ACSS1: variants seen among roughly 807,000 people sequenced by gnomAD.
ACSS1 encodes acetyl-coenzyme A synthetase 2-like, mitochondrial.
In ACSS1, 42 loss-of-function variants were observed where a neutral mutation model predicts 75.3. The ratio of observed to expected loss-of-function variants is 0.56; its 90% CI spans 0.44 to 0.72. The LOEUF is 0.72. Among genes scored for constraint, ACSS1 ranks in the 30% least tolerant of loss-of-function variants. The pLI is 0.00. For synonymous variants in ACSS1, 380 were observed against 376.8 expected (o/e 1.01, Z -0.10); for missense variants, 782 against 935.7 (o/e 0.84, Z 2.14).
intron 1 of ACSS1, among the ~76,000 whole-genome samples, chr20:25,052,639 G>A (rs1303027790): frequency 6.6e-6 from 1 of 152,240 alleles, no homozygotes; most frequent in East Asian, 1.9e-4. Context: ...GTGGTATTGA[G>A]CATTTTCTGG....
chr20:25,022,516 G>A (rs370452074), intron 5 of ACSS1, among the ~76,000 whole-genome samples: 10 of 152,216 alleles, frequency 6.6e-5, no homozygotes, highest in Admixed American at 2.0e-4. Context: ...CATGCTGGAC[G>A]GGGCTGTGGC....
intron 4 of ACSS1, 25 bp from the exon 5 acceptor site, chr20:25,023,117 C>T (rs535211539): frequency 6.2e-7 from 1 of 1,601,684 alleles, no homozygotes; most frequent in East Asian, 2.2e-5. Context: ...AAACAAACAG[C>T]CCACCGAGGG....
intron 5 of ACSS1, 150 bp downstream of exon 5, chr20:25,022,790 G>A: frequency 1.8e-6 from 2 of 1,116,998 alleles, no homozygotes; most frequent in Non-Finnish European, 2.4e-6. Flanking sequence ...TGTAGGGTGG[G>A]AGGACTCGAG....
At chr20:25,033,268 C>T (rs1458160217) in intron 2 of ACSS1, among the ~76,000 whole-genome samples, 1 of 152,208 alleles carries the variant, frequency 6.6e-6, no homozygotes, top group Non-Finnish European at 1.5e-5. Flanking sequence ...GAAATTTAGT[C>T]CCTGTTCTGC....
At chr20:25,034,584 T>G (rs1296127258) in intron 2 of ACSS1, among the ~76,000 whole-genome samples, 1 of 152,158 alleles carries the variant, frequency 6.6e-6, no homozygotes, top group Non-Finnish European at 1.5e-5. Flanking sequence ...CTTTTTTTTT[T>G]TGAGGTGGAG....
chr20:25,040,132 A>T (rs555675714), intron 2 of ACSS1, among the ~76,000 whole-genome samples: 1 of 152,082 alleles, frequency 6.6e-6, no homozygotes, highest in South Asian at 2.1e-4. Context: ...TTCTGTAAAC[A>T]TTCACTTTCC....
intron 12 of ACSS1, chr20:25,011,022 T>C (rs1166823007): frequency 1.3e-5 from 2 of 152,174 alleles, no homozygotes; most frequent in Non-Finnish European, 2.9e-5. Flanking sequence ...GAATGGATAC[T>C]CAAATTCATT....
chr20:25,028,189 C>T (rs2088760494), intron 3 of ACSS1, among the ~76,000 whole-genome samples: 1 of 152,132 alleles, frequency 6.6e-6, no homozygotes, highest in Admixed American at 6.5e-5. Context: ...CAATACCTTC[C>T]AATTTTTCTA....
At chr20:25,022,747 T>C (rs569223241) in intron 5 of ACSS1, among the ~76,000 whole-genome samples, 193 bp downstream of exon 5, 12 of 152,346 alleles carry the variant, frequency 7.9e-5, no homozygotes, top group East Asian at 5.8e-4. Flanking sequence ...GACAGTGCAG[T>C]GGGGGCTTGA....
At position 25,006,503 on chromosome 20, in the gene ACSS1, C is replaced by T. The variant is rs368269088; in HGVS notation, c.*1259G>A. The T allele has an allele frequency of 1.3e-4, 31 of 244,092 alleles. 1 individual carries two copies. Among genetic ancestry groups the T allele is most frequent in the Middle Eastern group, 1.5e-3 (1 of 662 alleles). 15.1% of individuals were successfully genotyped at this position (244,092 alleles called of 1,614,324 possible). A position where few individuals can be genotyped will look rare whatever the true frequency, so the allele number is the denominator to read the frequency against. ...CTCACCCAAGAGGCCAGCACAACCA[C>T]GACCGAGTGGGTACTCAGTGGCCCA... On this transcript the variant is annotated 3_prime_UTR_variant, in exon 14 of 14. Coordinates refer to ENST00000323482, the MANE Select transcript of ACSS1 (RefSeq NM_032501.4).
At chr20:25,017,487 C>T (rs1052514715) in intron 7 of ACSS1, among the ~76,000 whole-genome samples, 3 of 152,230 alleles carry the variant, frequency 2.0e-5, no homozygotes, top group Non-Finnish European at 4.4e-5. Context: ...CAAGACGCCA[C>T]GCTGCCTGCC....
chr20:25,045,999 C>CA (rs1282144370), intron 2 of ACSS1: 1 of 152,150 alleles, frequency 6.6e-6, no homozygotes, highest in East Asian at 1.9e-4. Context: ...AATCTTGGCT[C>CA]ACTGCAACAT....
At chr20:25,013,785 C>A in intron 9 of ACSS1, 123 bp from the exon 10 acceptor site, 1 of 1,405,162 alleles carries the variant, frequency 7.1e-7, no homozygotes, top group Non-Finnish European at 9.5e-7. Context: ...TGAGGAGGGC[C>A]CCAAGCCACC....
chr20:25,023,127 G>T, intron 4 of ACSS1, 35 bp from the exon 5 acceptor site: 1 of 1,593,488 alleles, frequency 6.3e-7, no homozygotes. Context: ...CCCACCGAGG[G>T]CACTCAGCCT....
Position 25,015,215 on chromosome 20 carries a change from T to A in ACSS1, c.1262A>T (p.Asn421Ile). 6.2e-7 allele frequency: 1 copy of A among 1,610,814 alleles called. No homozygotes were observed. The highest frequency in any genetic ancestry group is 1.1e-5 in the South Asian group (1 of 90,986). ...GTGAAGCCACTCCCAGGCCTCACAG[T>A]TGATGGGCTCTCCCACTGAAACCAC... is the stretch of plus-strand genomic sequence containing the variant. ...RTLGSVGEPI[N>I]CEAWEWLHRV... The change falls in exon 8 of 14, where the codon AAC (asparagine) becomes ATC (isoleucine). Residue 421 changes from asparagine to isoleucine, a missense_variant. By Grantham distance (149) the Asn-to-Ile change is moderately radical (BLOSUM62 -3). This residue lies in a region of ACSS1 where 405 missense variants were observed against 552.6 expected (regional missense o/e 0.73). Coordinates refer to ENST00000323482, the MANE Select transcript of ACSS1 (RefSeq NM_032501.4).
At chr20:25,052,571 G>C (rs915023890) in intron 1 of ACSS1, among the ~76,000 whole-genome samples, 2 of 152,254 alleles carry the variant, frequency 1.3e-5, no homozygotes, top group African/African-American at 2.4e-5. Flanking sequence ...TCCCACCTCA[G>C]TGTGGACTTA....
intron 2 of ACSS1, among the ~76,000 whole-genome samples, chr20:25,038,861 T>C (rs1425307358): frequency 1.3e-5 from 2 of 152,182 alleles, no homozygotes; most frequent in Non-Finnish European, 2.9e-5. Flanking sequence ...ATCTGCCATG[T>C]CGTCCTGTCA....
chr20:25,039,213 G>A (rs757222270), intron 2 of ACSS1, among the ~76,000 whole-genome samples: 1 of 152,156 alleles, frequency 6.6e-6, no homozygotes, highest in African/African-American at 2.4e-5. Context: ...GCATAGAGAA[G>A]TTGGGCCACT....
chr20:25,007,192 TA>T lies in ACSS1; in HGVS notation c.*569del. 1 of 1,238,002 alleles carries T rather than the reference TA, an allele frequency of 8.1e-7. No individual in the cohort carries two copies. Among genetic ancestry groups the T allele is most frequent in the South Asian group, 2.6e-5 (1 of 38,996 alleles). 76.7% of individuals were successfully genotyped at this position (1,238,002 alleles called of 1,614,324 possible). A position where few individuals can be genotyped will look rare whatever the true frequency, so the allele number is the denominator to read the frequency against. On this transcript the variant is annotated 3_prime_UTR_variant, in exon 14 of 14. Transcript: ENST00000323482. ...GACTTCCAAATACACTAACAATAAT[TA>T]AAAATGTGGCCTCTGATCCTCATGT...
Sources: allele counts gnomAD v4.1 joint callset (sites outside exome capture counted in the v4.1 genomes callset), GRCh38; gene constraint gnomAD v4.1.1; regional missense constraint gnomAD v4.1.1; transcripts MANE v1.5; gene names NCBI Gene and HGNC (gene_info 2026-07-23, HGNC 2026-07-21).